Variants in REV3L observed in about 807,000 individuals in gnomAD.
The protein encoded by REV3L is DNA polymerase zeta catalytic subunit.
REV3L carries 69 observed loss-of-function variants against 299.4 expected under a neutral mutation model. The ratio of observed to expected loss-of-function variants is 0.23; its 90% CI spans 0.19 to 0.28. The LOEUF is 0.28. Among genes scored for constraint, REV3L ranks in the 10% least tolerant of loss-of-function variants. The pLI, the probability that REV3L is intolerant of heterozygous loss-of-function variation, is 1.00. For missense variants in REV3L, 3,128 were observed against 3,693.8 expected (o/e 0.85, Z 3.97); for synonymous variants, 1,238 against 1,271.4 (o/e 0.97, Z 0.56).
At chr6:111,349,468 A>G (rs1777368215) in intron 19 of REV3L, 132 bp from the exon 20 acceptor site, 1 of 458,692 alleles carries the variant, frequency 2.2e-6, no homozygotes, top group Non-Finnish European at 3.9e-6. Context: ...TGTATGAAAA[A>G]ATTTTGTGAA....
In REV3L at chr6:111,333,126, C is replaced by T; in HGVS notation, c.7922G>A (p.Gly2641Glu). The T allele has an allele frequency of 6.2e-7, 1 of 1,613,050 alleles. No individual in the cohort carries two copies. The highest frequency in any genetic ancestry group is 1.1e-5 in the South Asian group (1 of 91,040). The change falls in exon 23 of 32, where the codon GGA (glycine) becomes GAA (glutamate). Residue 2641 changes from glycine (G) to glutamate (E), a missense_variant. By Grantham distance (98) the Gly-to-Glu change is moderately conservative. Coordinates refer to ENST00000368802, the MANE Select transcript of REV3L (RefSeq NM_001372078.1). ...GTAAATGTGAAAAAAACCTTACTTT[C>T]CCAAGTTCTCCACATGGCCAAGGCA... Reference protein sequence around the residue: ...STCLGHVENLGKYDEFKFGCT... With the variant: ...STCLGHVENLEKYDEFKFGCT...
intron 1 of REV3L, among the ~76,000 whole-genome samples, chr6:111,425,545 G>A (rs1299967866): frequency 6.6e-6 from 1 of 152,052 alleles, no homozygotes; most frequent in Non-Finnish European, 1.5e-5. Flanking sequence ...AAAATAAACT[G>A]GGTGGGTAGA....
chr6:111,441,111 ATATT>A (rs1337804904), intron 1 of REV3L, among the ~76,000 whole-genome samples: 19 of 152,126 alleles, frequency 1.2e-4, no homozygotes, highest in Admixed American at 3.3e-4. Context: ...ATTACTTCAA[ATATT>A]TATTTTGTTC....
chr6:111,435,557 GAA>G (rs577377729), intron 1 of REV3L, among the ~76,000 whole-genome samples: 2 of 152,002 alleles, frequency 1.3e-5, no homozygotes, highest in African/African-American at 4.8e-5. Flanking sequence ...ATACAATGGG[GAA>G]AAAAACAGTC....
chr6:111,299,283 A>T lies in REV3L; in HGVS notation c.*733T>A, dbSNP rs142260933. The T allele has an allele frequency of 6.5e-6, 1 of 152,746 alleles. No individual in the cohort carries two copies. Among genetic ancestry groups the T allele is most frequent in the East Asian group, 1.9e-4 (1 of 5,192 alleles). 9.5% of individuals were successfully genotyped at this position (152,746 alleles called of 1,614,324 possible). On this transcript the variant is annotated 3_prime_UTR_variant, in exon 32 of 32. Coordinates refer to ENST00000368802, the MANE Select transcript of REV3L (RefSeq NM_001372078.1). ...TAGAAATGTCTATACAAAACAAGCA[A>T]ATGGAATAAAATTTTTTATTTTTAA...
intron 12 of REV3L, among the ~76,000 whole-genome samples, chr6:111,377,283 TAC>T (rs1780410723): frequency 6.6e-6 from 1 of 152,142 alleles, no homozygotes; most frequent in Non-Finnish European, 1.5e-5. Flanking sequence ...AAAGTATGAT[TAC>T]AGTTTCAAAA....
At position 111,368,012 on chromosome 6, in the gene REV3L, G is replaced by A; in HGVS notation, c.5776C>T (p.Leu1926Phe). Reference sequence around the variant, plus strand: ...GCAAGTCGAGTTTCTACCATGAGGAGCCGTCCACCAATCTCCCTATAATAA... The same window carrying A: ...GCAAGTCGAGTTTCTACCATGAGGAACCGTCCACCAATCTCCCTATAATAA... ...PEKPREIGGR[L>F]LMVETRLAND... The change falls in exon 14 of 32, where the codon CTC becomes TTC. Residue 1926 changes from leucine to phenylalanine, a missense_variant. Physicochemically the swap from Leu to Phe is conservative, Grantham distance 22. Transcript: ENST00000368802. 1 of 1,606,808 alleles carries A rather than the reference G, an allele frequency of 6.2e-7. No homozygotes were observed.
intron 1 of REV3L, among the ~76,000 whole-genome samples, chr6:111,422,662 ACATATATATATATATACG>A (rs1314276375): frequency 0.012 from 446 of 36,000 alleles, 110 homozygotes; most frequent in Non-Finnish European, 0.03. Context: ...ATATATATAT[ACATATATATATATATACG>A]TATATATATA....
intron 2 of REV3L, chr6:111,412,419 A>T (rs1468696351): frequency 5.1e-6 from 1 of 196,304 alleles, no homozygotes; most frequent in Non-Finnish European, 9.2e-6. Context: ...ACAACCTCTG[A>T]TATACAGAAC....
intron 11 of REV3L, among the ~76,000 whole-genome samples, chr6:111,379,003 T>C (rs1780571002): frequency 6.6e-6 from 1 of 152,230 alleles, no homozygotes. Flanking sequence ...CTAGACACCA[T>C]GCTTCTACTA....
intron 1 of REV3L, among the ~76,000 whole-genome samples, chr6:111,463,574 TA>T (rs1177923003): frequency 6.6e-6 from 1 of 152,180 alleles, no homozygotes; most frequent in Non-Finnish European, 1.5e-5. Flanking sequence ...ATTGATGAAA[TA>T]CAGAATAATC....
In REV3L at chr6:111,427,170, T is replaced by C. The variant is rs1244969535; in HGVS notation, c.140-10698A>G. ...ATAAATACCTAAATGCTCCTTCAAA[T>C]GCAAATAAATAAAATATTATTGGTA... On this transcript the variant is annotated intron_variant, in intron 1 of 31. Transcript: ENST00000368802. 2.0e-5 allele frequency among the ~76,000 whole-genome samples: 3 copies of C among 152,140 alleles called. No homozygotes were observed. The East Asian group carries it at 5.8e-4, about 29-fold the overall frequency.
intron 21 of REV3L, among the ~76,000 whole-genome samples, chr6:111,337,487 G>T (rs1776031427): frequency 6.6e-6 from 1 of 152,084 alleles, no homozygotes; most frequent in Non-Finnish European, 1.5e-5. Flanking sequence ...GCAATGGTAT[G>T]ATGAACATTT....
At chr6:111,475,128 G>C (rs1792776547) in intron 1 of REV3L, among the ~76,000 whole-genome samples, 1 of 118,040 alleles carries the variant, frequency 8.5e-6, no homozygotes, top group South Asian at 2.5e-4. Context: ...TGCACATGCA[G>C]TCATGCCTCT....
At chr6:111,317,528 C>A (rs1040498674) in intron 26 of REV3L, among the ~76,000 whole-genome samples, 1 of 152,108 alleles carries the variant, frequency 6.6e-6, no homozygotes. Flanking sequence ...ACTCTGTTAC[C>A]GAGGCTGGAG....
chr6:111,361,419 C>CACAAAA (rs767836093), intron 16 of REV3L: 12 of 86,508 alleles, frequency 1.4e-4, no homozygotes, highest in South Asian at 3.6e-4. Flanking sequence ...CACACACACA[C>CACAAAA]AAAAAAAAAA....
chr6:111,405,344 T>C (rs184055415), intron 4 of REV3L, 126 bp downstream of exon 4: 467 of 642,148 alleles, frequency 7.3e-4, no homozygotes, highest in Non-Finnish European at 9.8e-4. Context: ...TGTATTTCTT[T>C]TCATTCTTTA....
chr6:111,396,661 A>G (rs1360952893), intron 4 of REV3L, among the ~76,000 whole-genome samples: 1 of 152,034 alleles, frequency 6.6e-6, no homozygotes, highest in East Asian at 1.9e-4. Flanking sequence ...TACAGATTCA[A>G]TCTTGTTACT....
intron 22 of REV3L, among the ~76,000 whole-genome samples, chr6:111,334,855 T>C (rs952793541): frequency 2.0e-5 from 3 of 152,176 alleles, no homozygotes; most frequent in Non-Finnish European, 2.9e-5. Flanking sequence ...TAAGTAAGGA[T>C]TTTACAACGT....
Sources: allele counts gnomAD v4.1 joint callset (sites outside exome capture counted in the v4.1 genomes callset), GRCh38; gene constraint gnomAD v4.1.1; transcripts MANE v1.5; gene names NCBI Gene and HGNC (gene_info 2026-07-23, HGNC 2026-07-21).